ANKRD11: variants seen among roughly 807,000 people sequenced by gnomAD.
ANKRD11 encodes ankyrin repeat domain 11.
A neutral mutation model predicts 195.7 loss-of-function variants in ANKRD11; 17 were observed. The ratio of observed to expected loss-of-function variants is 0.09; its 90% CI spans 0.06 to 0.13. ANKRD11 has a LOEUF of 0.13. Ranked by LOEUF, ANKRD11 falls within the 10% of genes least tolerant of loss-of-function variation. The pLI is 1.00. For synonymous variants in ANKRD11, 1,953 were observed against 1,528.1 expected (o/e 1.28, Z -6.49); for missense variants, 3,735 against 3,566.1 (o/e 1.05, Z -1.21).
intron 1 of ANKRD11, among the ~76,000 whole-genome samples, chr16:89,488,810 A>G (rs143231126): frequency 6.6e-5 from 10 of 152,314 alleles, no homozygotes; most frequent in African/African-American, 2.2e-4. Flanking sequence ...TGCTCTAATG[A>G]CTGCATAAAA....
chr16:89,294,363 C>G (rs1390500546), intron 4 of ANKRD11, among the ~76,000 whole-genome samples: 2 of 152,174 alleles, frequency 1.3e-5, no homozygotes, highest in African/African-American at 4.8e-5. Context: ...TCTCCCTGTC[C>G]TGAAACAGGA....
chr16:89,270,484 A>G, intron 12 of ANKRD11: 1 of 403,926 alleles, frequency 2.5e-6, no homozygotes, highest in East Asian at 5.6e-5. Flanking sequence ...GCACTTCCAG[A>G]GCAGTGGAGG....
intron 1 of ANKRD11, among the ~76,000 whole-genome samples, chr16:89,471,079 G>A (rs66477884): frequency 0.13 from 20,075 of 152,020 alleles, 1,685 homozygotes; most frequent in Middle Eastern, 0.2. Context: ...GAGGCTGGGC[G>A]CAGTGGCTCA....
intron 2 of ANKRD11, among the ~76,000 whole-genome samples, chr16:89,338,453 C>T (rs1045477066): frequency 4.7e-5 from 7 of 149,080 alleles, no homozygotes; most frequent in African/African-American, 1.5e-4. Context: ...AAGGACCAGG[C>T]GCTGTGGCTC....
rs1227840551 is a variant in ANKRD11, at chr16:89,390,349, C to T, written c.-60+27935G>A. Among the ~76,000 whole-genome samples, 7 of 151,188 alleles carry T rather than the reference C, an allele frequency of 4.6e-5. No homozygotes were observed. In the East Asian group the frequency reaches 9.7e-4, roughly 21 times the overall value. ...AGACAGAGAAGATCACTGGGGCGAA[C>T]ACCGAGTGTGGCGGGGAGCACTGAG... On this transcript the variant is annotated intron_variant, in intron 2 of 12. Coordinates refer to ENST00000301030, the MANE Select transcript of ANKRD11 (RefSeq NM_013275.6).
intron 2 of ANKRD11, among the ~76,000 whole-genome samples, chr16:89,378,770 G>C (rs1045476617): frequency 6.6e-5 from 10 of 152,226 alleles, no homozygotes. Context: ...TATTTTAGTA[G>C]AGACGGGGTT....
chr16:89,295,381 T>G (rs1426973096), intron 4 of ANKRD11, among the ~76,000 whole-genome samples: 1 of 152,090 alleles, frequency 6.6e-6, no homozygotes, highest in Non-Finnish European at 1.5e-5. Flanking sequence ...CACCTCATCT[T>G]TAAGAAACAA....
chr16:89,458,220 AATTTC>A (rs746642255), intron 1 of ANKRD11, among the ~76,000 whole-genome samples: 200 of 152,166 alleles, frequency 1.3e-3, no homozygotes, highest in Non-Finnish European at 1.7e-3. Context: ...TGCTTTACGT[AATTTC>A]ATTTCTTTTT....
chr16:89,470,907 G>GGT (rs1357780910), intron 1 of ANKRD11, among the ~76,000 whole-genome samples: 1 of 152,092 alleles, frequency 6.6e-6, no homozygotes, highest in Non-Finnish European at 1.5e-5. Flanking sequence ...GCAGGAGAGT[G>GGT]GTGTGAACCT....
Position 89,280,864 on chromosome 16 carries a change from G to C in ANKRD11, c.5678C>G (p.Ser1893Cys), listed in dbSNP as rs375120295. Residue 1893 changes from serine (S) to cysteine (C), a missense_variant, in exon 9 of 13, where the codon TCC becomes TGC. Ser to Cys is a moderately radical substitution (Grantham distance 112). Coordinates refer to ENST00000301030, the MANE Select transcript of ANKRD11 (RefSeq NM_013275.6). ...AGGAACCAGCAGCTCGGCTCTGGGG[G>C]AAGGGGAAGGTTTTGCTTGTAAACT... ...FSSLQAKPSP[S>C]PRAELLVPSL... is the part of the protein sequence containing the mutation. 3.1e-6 allele frequency: 5 copies of C among 1,604,766 alleles called. No homozygotes were observed. Among genetic ancestry groups the C allele is most frequent in the Non-Finnish European group, 1.7e-6 (2 of 1,173,084 alleles).
At chr16:89,458,398 G>C (rs2056529110) in intron 1 of ANKRD11, among the ~76,000 whole-genome samples, 1 of 152,070 alleles carries the variant, frequency 6.6e-6, no homozygotes, top group Middle Eastern at 3.4e-3. Flanking sequence ...CTAATTTTTT[G>C]TATTTTTAGT....
chr16:89,373,970 G>A (rs1052744997), intron 2 of ANKRD11, among the ~76,000 whole-genome samples: 5 of 152,220 alleles, frequency 3.3e-5, no homozygotes, highest in Admixed American at 6.5e-5. Context: ...TGGCCCACTC[G>A]ACATCTCCAG....
At chr16:89,392,208 G>A (rs534545364) in intron 2 of ANKRD11, among the ~76,000 whole-genome samples, 27 of 152,298 alleles carry the variant, frequency 1.8e-4, no homozygotes, top group Admixed American at 1.1e-3. Context: ...GTGTACTCTC[G>A]TGGCAAAACT....
intron 1 of ANKRD11, chr16:89,431,257 T>C (rs1022055299): frequency 6.6e-6 from 1 of 152,472 alleles, no homozygotes; most frequent in African/African-American, 2.4e-5. Context: ...TTTACCCACA[T>C]GTCTGCATCA....
intron 3 of ANKRD11, chr16:89,313,662 A>G: frequency 1.6e-6 from 2 of 1,228,236 alleles, no homozygotes; most frequent in South Asian, 1.3e-5. Flanking sequence ...AAGACTGAGC[A>G]GAAACCATTT....
intron 1 of ANKRD11, among the ~76,000 whole-genome samples, chr16:89,462,980 GC>G (rs1177466003): frequency 2.0e-5 from 3 of 150,264 alleles, no homozygotes; most frequent in Non-Finnish European, 3.0e-5. Flanking sequence ...CAGGCCAGCC[GC>G]CCCGTCCGGG....
In ANKRD11 at chr16:89,435,405, T is replaced by C. The variant is rs576884931; in HGVS notation, c.-144-17037A>G. ...GTCCCCTTCCATGCTGTGGGAGCTG[T>C]GTTCTTTCACTCTTCACAATAAATC... On this transcript the variant is annotated intron_variant, in intron 1 of 12. Transcript: ENST00000301030. Among the ~76,000 whole-genome samples, 10 of 152,288 alleles carry C rather than the reference T, an allele frequency of 6.6e-5. No homozygotes were observed. In the South Asian group the frequency reaches 1.9e-3, roughly 28 times the overall value.
intron 2 of ANKRD11, among the ~76,000 whole-genome samples, chr16:89,401,246 C>T (rs1305361955): frequency 6.6e-6 from 1 of 152,194 alleles, no homozygotes; most frequent in Middle Eastern, 3.4e-3. Flanking sequence ...GCCCGGCTAA[C>T]ATTTGGATTT....
chr16:89,477,491 G>C (rs1484564344), intron 1 of ANKRD11, among the ~76,000 whole-genome samples: 1 of 151,996 alleles, frequency 6.6e-6, no homozygotes, highest in Non-Finnish European at 1.5e-5. Flanking sequence ...GAGTAGCTGA[G>C]ATTACAGGCG....
Sources: gnomAD v4.1 joint callset for allele counts (sites outside exome capture counted in the v4.1 genomes callset) on GRCh38, gnomAD v4.1.1 for gene constraint, MANE v1.5 for transcripts, NCBI Gene and HGNC (gene_info 2026-07-23, HGNC 2026-07-21) for gene names.